NSD2: variants seen among roughly 807,000 people sequenced by gnomAD.
NSD2 encodes the protein histone-lysine N-methyltransferase NSD2.
A neutral mutation model predicts 139.0 loss-of-function variants in NSD2; 12 were observed. That is an observed-to-expected ratio of 0.09 (90% CI 0.06 to 0.14). NSD2 has a LOEUF of 0.14. Ranked by LOEUF, NSD2 falls within the 10% of genes least tolerant of loss-of-function variation. NSD2 has a pLI of 1.00. For missense variants in NSD2, 1,155 were observed against 1,745.0 expected (o/e 0.66, Z 6.02); for synonymous variants, 669 against 648.7 (o/e 1.03, Z -0.48).
At chr4:1,906,276 T>A in intron 3 of NSD2, among the ~76,000 whole-genome samples, 1 of 152,176 alleles carries the variant, frequency 6.6e-6, no homozygotes, top group Non-Finnish European at 1.5e-5. Context: ...GCTCGCTCCA[T>A]CACCCAAACT....
At chr4:1,871,797 C>T (rs1408591568) in intron 1 of NSD2, among the ~76,000 whole-genome samples, 2 of 131,290 alleles carry the variant, frequency 1.5e-5, no homozygotes, top group African/African-American at 2.8e-5. Flanking sequence ...GCGGGAGGAC[C>T]GGGCGGACCG....
Position 1,974,822 on chromosome 4 carries a change from G to A in NSD2, c.3373-41G>A, listed in dbSNP as rs779132001. 14 of 1,610,508 alleles carry A rather than the reference G, an allele frequency of 8.7e-6. No individual in the cohort carries two copies. Among genetic ancestry groups the A allele is most frequent in the Middle Eastern group, 1.7e-4 (1 of 6,054 alleles). Reference sequence around the variant, plus strand: ...AAAATTCCCTTTAAAAATAACATGCGATTGCTAACACTTGACCGAATATAT... The same window carrying A: ...AAAATTCCCTTTAAAAATAACATGCAATTGCTAACACTTGACCGAATATAT... On this transcript the variant is annotated intron_variant, in intron 18 of 21. Coordinates refer to ENST00000508803, the MANE Select transcript of NSD2 (RefSeq NM_001042424.3). This position sits in a 1 kb window ranked among gnomAD's most constrained non-coding sequence, Gnocchi z 4.0.
chr4:1,952,094 C>T lies in NSD2; in HGVS notation c.2014-14C>T, dbSNP rs1257954387. The T allele has an allele frequency of 6.2e-7, 1 of 1,613,244 alleles. No homozygotes were observed. Among genetic ancestry groups the T allele is most frequent in the Non-Finnish European group, 8.5e-7 (1 of 1,179,490 alleles). On this transcript the variant is annotated splice_polypyrimidine_tract_variant and intron_variant, in intron 10 of 21. Transcript: ENST00000508803. ...CTGCCGGGCGCTGCTTACCCGCCTG[C>T]TCTGCCCCCGCAGCTGTGTGAGAAG...
intron 9 of NSD2, chr4:1,943,913 T>C: frequency 1.9e-6 from 2 of 1,063,810 alleles, no homozygotes; most frequent in South Asian, 4.6e-5. Flanking sequence ...AGCCCATAAC[T>C]GATAGATGCA....
At chr4:1,930,087 G>A (rs1456246750) in intron 5 of NSD2, among the ~76,000 whole-genome samples, 2 of 152,106 alleles carry the variant, frequency 1.3e-5, no homozygotes, top group African/African-American at 4.8e-5. Context: ...GGGTAGGGAA[G>A]CCTCGTCTTT....
At chr4:1,899,357 A>C (rs976109081) in intron 1 of NSD2, 8 of 152,364 alleles carry the variant, frequency 5.3e-5, no homozygotes, top group Admixed American at 4.6e-4. Flanking sequence ...TGTGCGTTGC[A>C]GGAGATGCAG....
intron 1 of NSD2, among the ~76,000 whole-genome samples, chr4:1,873,419 A>G (rs930029948): frequency 6.6e-6 from 1 of 152,232 alleles, no homozygotes; most frequent in African/African-American, 2.4e-5. Flanking sequence ...ATGCACAACA[A>G]AATTATAAGG....
At chr4:1,941,327 G>C (rs757841844) in intron 9 of NSD2, 29 of 1,053,726 alleles carry the variant, frequency 2.8e-5, no homozygotes, top group Non-Finnish European at 3.3e-5. Flanking sequence ...TGCTTATACT[G>C]TTGTCAGGTA....
chr4:1,945,050 G>T, intron 9 of NSD2: 1 of 1,066,246 alleles, frequency 9.4e-7, no homozygotes, highest in Non-Finnish European at 1.1e-6. Context: ...TTGGACAGGA[G>T]TCGGGGGCTC....
chr4:1,921,714 G>A (rs773277218), intron 5 of NSD2, among the ~76,000 whole-genome samples: 11 of 150,690 alleles, frequency 7.3e-5, no homozygotes, highest in Non-Finnish European at 1.3e-4. Flanking sequence ...CCTGGGAGAC[G>A]GAGGTTGCAG....
At chr4:1,941,529 C>G (rs921150004) in intron 9 of NSD2, 3 of 1,042,060 alleles carry the variant, frequency 2.9e-6, no homozygotes, top group African/African-American at 3.3e-5. Flanking sequence ...ATAGATGAAG[C>G]ATTTTATCAT....
intron 6 of NSD2, among the ~76,000 whole-genome samples, chr4:1,931,524 TA>T (rs928023091): frequency 2.7e-5 from 4 of 148,556 alleles, no homozygotes; most frequent in Admixed American, 6.7e-5. Context: ...AATTTAAAAT[TA>T]AAAAAAAAAG....
At chr4:1,905,805 A>C (rs943556017) in intron 3 of NSD2, among the ~76,000 whole-genome samples, 2 of 152,174 alleles carry the variant, frequency 1.3e-5, no homozygotes, top group African/African-American at 2.4e-5. Flanking sequence ...GACCTTTGGC[A>C]TCCTTGGCTT....
In NSD2 at chr4:1,948,292, T is replaced by C. The variant is rs184129247; in HGVS notation, c.1882-2780T>C. 409 of 1,065,530 alleles carry C rather than the reference T, an allele frequency of 3.8e-4. 2 individuals carry two copies. Among genetic ancestry groups the C allele is most frequent in the Admixed American group, 2.1e-3 (40 of 18,688 alleles). The allele number at this position is 1,065,530 out of a possible 1,614,324, so 66.0% of individuals were successfully genotyped here. A position where few individuals can be genotyped will look rare whatever the true frequency, so the allele number is the denominator to read the frequency against. ...CCTGCACTTTTCCTTTCCAAATGCA[T>C]CTCGTTGGATATGGAATAGATCGTA... On this transcript the variant is annotated intron_variant, in intron 9 of 21. Transcript: ENST00000508803. This position sits in a 1 kb window ranked among gnomAD's most constrained non-coding sequence, Gnocchi z 4.5.
chr4:1,905,008 T>C (rs1052179185), intron 3 of NSD2, among the ~76,000 whole-genome samples: 3 of 152,062 alleles, frequency 2.0e-5, no homozygotes, highest in Non-Finnish European at 4.4e-5. Context: ...TGCACGCCTG[T>C]AATCCCAGCT....
rs764038848 is a variant in NSD2, at chr4:1,900,928, G to A, written c.274G>A (p.Gly92Ser). The change falls in exon 2 of 22, where the codon GGC becomes AGC. Residue 92 changes from glycine to serine, a missense_variant. Physicochemically the swap from Gly to Ser is moderately conservative, Grantham distance 56. Coordinates refer to ENST00000508803, the MANE Select transcript of NSD2 (RefSeq NM_001042424.3). The part of the protein sequence containing the change: ...LTSRVFNGEP[G>S]AHDAKLRFES... ...TTCCCGGGTGTTTAATGGAGAACCC[G>A]GCGCACACGATGCCAAACTGCGTTT... 28 of 1,614,016 alleles carry A rather than the reference G, an allele frequency of 1.7e-5. No individual in the cohort carries two copies. Among genetic ancestry groups the A allele is most frequent in the African/African-American group, 9.3e-5 (7 of 74,902 alleles).
chr4:1,940,074 G>C, intron 9 of NSD2: 1 of 1,271,030 alleles, frequency 7.9e-7, no homozygotes, highest in Non-Finnish European at 1.0e-6. Context: ...AGAATGTTGT[G>C]TTCTGTGTAG....
chr4:1,934,774 C>T (rs1270404386), intron 6 of NSD2, among the ~76,000 whole-genome samples: 8 of 130,848 alleles, frequency 6.1e-5, no homozygotes, highest in Non-Finnish European at 9.6e-5. Flanking sequence ...CTTGAACCCA[C>T]GAGGCGGAGG....
At chr4:1,943,822 C>T (rs1210275880) in intron 9 of NSD2, 2 of 1,062,446 alleles carry the variant, frequency 1.9e-6, no homozygotes, top group African/African-American at 3.3e-5. Flanking sequence ...AAGACTCTAT[C>T]TTGAAAGGCT....
Sources: allele counts gnomAD v4.1 joint callset (sites outside exome capture counted in the v4.1 genomes callset), GRCh38; gene constraint gnomAD v4.1.1; non-coding constraint Gnocchi (gnomAD v3.1); transcripts MANE v1.5; gene names NCBI Gene and HGNC (gene_info 2026-07-23, HGNC 2026-07-21).